ARFGEF1: variants seen among roughly 807,000 people sequenced by gnomAD.
The protein encoded by ARFGEF1 is brefeldin A-inhibited guanine nucleotide-exchange protein 1.
In ARFGEF1, 42 loss-of-function variants were observed where a neutral mutation model predicts 231.0. The ratio of observed to expected loss-of-function variants is 0.18; its 90% CI spans 0.14 to 0.24. The LOEUF is 0.24. Ranked by LOEUF, ARFGEF1 falls within the 10% of genes least tolerant of loss-of-function variation. The probability of loss-of-function intolerance (pLI) is 1.00; values close to 1 mark genes in which losing one functional copy is unlikely to be tolerated. For synonymous variants in ARFGEF1, 710 were observed against 732.3 expected (o/e 0.97, Z 0.49); for missense variants, 1,345 against 2,192.0 (o/e 0.61, Z 7.72).
At chr8:67,279,092 C>CA (rs1295890046) in intron 7 of ARFGEF1, among the ~76,000 whole-genome samples, 2 of 151,980 alleles carry the variant, frequency 1.3e-5, no homozygotes, top group African/African-American at 4.8e-5. Context: ...AGTGAGACAC[C>CA]ATTGCTACAA....
At chr8:67,211,365 A>T in intron 34 of ARFGEF1, 118 bp downstream of exon 34, 6 of 609,392 alleles carry the variant, frequency 9.8e-6, no homozygotes, top group Non-Finnish European at 1.4e-5. Context: ...AAAAAAAAAA[A>T]GAAGTGATGA....
chr8:67,267,541 C>G (rs1405922192), intron 10 of ARFGEF1, 99 bp from the exon 11 acceptor site: 4 of 727,984 alleles, frequency 5.5e-6, no homozygotes, highest in Non-Finnish European at 6.8e-6. Flanking sequence ...GTATTAGGAC[C>G]CAGGCTCTTA....
At chr8:67,264,437 G>C (rs1042640776) in intron 14 of ARFGEF1, among the ~76,000 whole-genome samples, 1 of 152,048 alleles carries the variant, frequency 6.6e-6, no homozygotes, top group Non-Finnish European at 1.5e-5. Flanking sequence ...GCATGCTGGG[G>C]TTACTACCAT....
At chr8:67,230,383 A>C (rs1001809314) in intron 23 of ARFGEF1, among the ~76,000 whole-genome samples, 1 of 152,146 alleles carries the variant, frequency 6.6e-6, no homozygotes, top group African/African-American at 2.4e-5. Context: ...ATTATAATAC[A>C]GATGCAAAAA....
intron 2 of ARFGEF1, among the ~76,000 whole-genome samples, chr8:67,302,199 C>CA (rs1317464949): frequency 6.6e-6 from 1 of 151,200 alleles, no homozygotes; most frequent in African/African-American, 2.4e-5. Flanking sequence ...ACCCTGTCTC[C>CA]AAAAAAATAT....
At chr8:67,192,847 A>G (rs553978061), downstream of ARFGEF1, among the ~76,000 whole-genome samples, 6 of 152,314 alleles carry the variant, frequency 3.9e-5, no homozygotes, top group East Asian at 1.2e-3. Context: ...CCATTGATCT[A>G]CATGTCTTTT....
intron 33 of ARFGEF1, among the ~76,000 whole-genome samples, chr8:67,216,286 C>T (rs963262979): frequency 6.6e-6 from 1 of 152,046 alleles, no homozygotes; most frequent in Non-Finnish European, 1.5e-5. Context: ...AGAATTAGTG[C>T]CTTAAAAAAG....
In ARFGEF1 at chr8:67,277,470, G is replaced by C; in HGVS notation, c.1028-13C>G. On this transcript the variant is annotated splice_polypyrimidine_tract_variant and intron_variant, in intron 7 of 38. Coordinates refer to ENST00000262215, the MANE Select transcript of ARFGEF1 (RefSeq NM_006421.5). ...CCTTCTCCCATATCTAAAATGATAA[G>C]AATAAAAACCATGCAAATATATCTG... 1 of 1,603,172 alleles carries C rather than the reference G, an allele frequency of 6.2e-7. No individual in the cohort carries two copies. Among genetic ancestry groups the C allele is most frequent in the Non-Finnish European group, 8.5e-7 (1 of 1,173,202 alleles).
intron 19 of ARFGEF1, among the ~76,000 whole-genome samples, chr8:67,248,015 C>T (rs1424822198): frequency 1.3e-5 from 2 of 149,692 alleles, no homozygotes; most frequent in African/African-American, 5.0e-5. Flanking sequence ...GAAGAGGACA[C>T]CAGAAAAATT....
intron 34 of ARFGEF1, among the ~76,000 whole-genome samples, chr8:67,207,951 GA>G (rs1274927540): frequency 2.0e-5 from 3 of 152,150 alleles, no homozygotes; most frequent in Admixed American, 1.3e-4. Context: ...CTTGCCCCAG[GA>G]AAAAGTAGCC....
At chr8:67,331,017 A>C (rs1264819692) in intron 1 of ARFGEF1, among the ~76,000 whole-genome samples, 1 of 152,208 alleles carries the variant, frequency 6.6e-6, no homozygotes, top group Non-Finnish European at 1.5e-5. Context: ...GCATTAGAAA[A>C]CTTAAAAGAA....
chr8:67,245,367 T>G (rs551785322), intron 19 of ARFGEF1, among the ~76,000 whole-genome samples: 1 of 150,530 alleles, frequency 6.6e-6, no homozygotes, highest in Admixed American at 6.7e-5. Flanking sequence ...TACTCTTAAG[T>G]AGAAAGACAG....
intron 1 of ARFGEF1, among the ~76,000 whole-genome samples, chr8:67,312,894 C>T (rs1807137992): frequency 6.6e-6 from 1 of 151,982 alleles, no homozygotes. Flanking sequence ...CTAGTACAAC[C>T]ACCAAAAATC....
At chr8:67,218,235 A>AT in intron 30 of ARFGEF1, 97 bp from the exon 31 acceptor site, 1 of 188,456 alleles carries the variant, frequency 5.3e-6, no homozygotes, top group Non-Finnish European at 8.4e-6. Context: ...TATATATATA[A>AT]ATGTTTTCAT....
intron 5 of ARFGEF1, among the ~76,000 whole-genome samples, chr8:67,176,309 C>G (rs950059589): frequency 1.3e-5 from 2 of 152,106 alleles, no homozygotes; most frequent in African/African-American, 4.8e-5. Context: ...AGTTAAGACC[C>G]TATCTTGGGA....
intron 1 of ARFGEF1, among the ~76,000 whole-genome samples, chr8:67,304,677 G>A (rs116492021): frequency 0.025 from 3,819 of 152,212 alleles, 170 homozygotes; most frequent in African/African-American, 0.087. Flanking sequence ...ATATTAGCCG[G>A]GCATGGCGGT....
chr8:67,256,007 C>T (rs867538933), intron 17 of ARFGEF1, among the ~76,000 whole-genome samples: 4 of 152,184 alleles, frequency 2.6e-5, no homozygotes, highest in Non-Finnish European at 5.9e-5. Context: ...TATAATATTG[C>T]TTATTCATTT....
intron 7 of ARFGEF1, among the ~76,000 whole-genome samples, chr8:67,279,001 T>C (rs1587201665): frequency 6.6e-6 from 1 of 152,138 alleles, no homozygotes; most frequent in Non-Finnish European, 1.5e-5. Flanking sequence ...CGGTGGCTCA[T>C]GCCTATAATT....
rs773735621 is a variant in ARFGEF1, at chr8:67,217,934, G to T, written c.4475-14C>A. On this transcript the variant is annotated splice_polypyrimidine_tract_variant and intron_variant, in intron 31 of 38. Coordinates refer to ENST00000262215, the MANE Select transcript of ARFGEF1 (RefSeq NM_006421.5). The stretch of plus-strand genomic sequence containing the variant: ...ACTGCTCATTGTCTAGGAAAGAAAA[G>T]AGCAATTCATTTATATATTACCAGG... The T allele has an allele frequency of 2.5e-6, 4 of 1,613,128 alleles. No homozygotes were observed. In the South Asian group the frequency reaches 4.4e-5, roughly 18 times the overall value.
Sources: gnomAD v4.1 joint callset for allele counts (sites outside exome capture counted in the v4.1 genomes callset) on GRCh38, gnomAD v4.1.1 for gene constraint, MANE v1.5 for transcripts, NCBI Gene and HGNC (gene_info 2026-07-23, HGNC 2026-07-21) for gene names.